Variants in TASP1 observed in about 807,000 individuals in gnomAD.
TASP1 encodes threonine aspartase 1.
A neutral mutation model predicts 56.6 loss-of-function variants in TASP1; 16 were observed. That is an observed-to-expected ratio of 0.28 (90% CI 0.19 to 0.43). TASP1 has a LOEUF of 0.43. Among genes scored for constraint, TASP1 ranks in the 20% least tolerant of loss-of-function variants. The pLI, the probability that TASP1 is intolerant of heterozygous loss-of-function variation, is 1.00. For synonymous variants in TASP1, 179 were observed against 184.2 expected (o/e 0.97, Z 0.23); for missense variants, 393 against 511.6 (o/e 0.77, Z 2.24).
At chr20:13,215,698 A>C in the TASP1 span, among the ~76,000 whole-genome samples, 1 of 152,358 alleles carries the variant, frequency 6.6e-6, no homozygotes, top group Non-Finnish European at 1.5e-5. Flanking sequence ...TGACCTCCTC[A>C]GAAACTCACC....
chr20:13,447,120 A>G (rs1292130755), intron 11 of TASP1, among the ~76,000 whole-genome samples: 1 of 152,162 alleles, frequency 6.6e-6, no homozygotes, highest in Non-Finnish European at 1.5e-5. Context: ...ACTTTCCTCT[A>G]AAAACATTTA....
chr20:13,469,840 G>C (rs1331123259), intron 11 of TASP1, among the ~76,000 whole-genome samples: 2 of 87,100 alleles, frequency 2.3e-5, no homozygotes, highest in African/African-American at 4.6e-5. Flanking sequence ...AGAGTGTCTT[G>C]CTCTGTTGCC....
At chr20:13,246,272 CAAA>C in the TASP1 span, among the ~76,000 whole-genome samples, 2 of 121,068 alleles carry the variant, frequency 1.7e-5, no homozygotes. Flanking sequence ...GACTCCATCT[CAAA>C]AAAAAAAAAA....
intron 4 of TASP1, among the ~76,000 whole-genome samples, chr20:13,612,841 A>G (rs1426151508): frequency 6.6e-6 from 1 of 152,116 alleles, no homozygotes; most frequent in East Asian, 1.9e-4. Flanking sequence ...AAGATAACCA[A>G]CTCAGATATC....
In TASP1 at chr20:13,394,239, TCACTGCACTC is replaced by T. The variant is rs560378578; in HGVS notation, c.1171-3797_1171-3788del. Among the ~76,000 whole-genome samples, 1,083 of 135,252 alleles carry T rather than the reference TCACTGCACTC, an allele frequency of 8.0e-3. 18 individuals are homozygous for T. Among genetic ancestry groups the T allele is most frequent in the African/African-American group, 0.03 (1,013 of 33,586 alleles). 88.7% of individuals were successfully genotyped at this position (135,252 alleles called of 152,430 possible). A position where few individuals can be genotyped will look rare whatever the true frequency, so the allele number is the denominator to read the frequency against. On this transcript the variant is annotated intron_variant, in intron 13 of 13. Transcript: ENST00000337743. ...GCAGAGGTTGCAGTGAGCCAACCTCTCACTGCACTCCACTGCACTCCAGTGCAGTGAGCCA... is the reference window on the plus strand; with the variant it reads ...GCAGAGGTTGCAGTGAGCCAACCTCTCACTGCACTCCAGTGCAGTGAGCCA...
At chr20:13,530,311 T>A (rs1225530299) in intron 9 of TASP1, among the ~76,000 whole-genome samples, 2 of 152,182 alleles carry the variant, frequency 1.3e-5, no homozygotes, top group Non-Finnish European at 2.9e-5. Flanking sequence ...ATGGTAGACA[T>A]TGGGAAATCT....
the TASP1 span, among the ~76,000 whole-genome samples, chr20:13,363,443 G>A: frequency 6.6e-6 from 1 of 152,124 alleles, no homozygotes; most frequent in African/African-American, 2.4e-5. Context: ...CCTGTATATA[G>A]CTGTTCATCT....
the TASP1 span, among the ~76,000 whole-genome samples, chr20:13,307,159 T>G: frequency 6.6e-6 from 1 of 152,206 alleles, no homozygotes; most frequent in Non-Finnish European, 1.5e-5. Flanking sequence ...CTTCACTATG[T>G]CTACACAGCA....
intron 6 of TASP1, among the ~76,000 whole-genome samples, chr20:13,580,507 TGA>T (rs1001666228): frequency 2.0e-5 from 3 of 151,854 alleles, no homozygotes; most frequent in Non-Finnish European, 4.4e-5. Flanking sequence ...GGAAAAAAAC[TGA>T]GATGCATGAA....
At chr20:13,471,389 C>T (rs745654120) in intron 11 of TASP1, among the ~76,000 whole-genome samples, 11 of 152,158 alleles carry the variant, frequency 7.2e-5, no homozygotes, top group Non-Finnish European at 1.6e-4. Flanking sequence ...AAAACCAATG[C>T]CATTCTCTCT....
intron 1 of TASP1, among the ~76,000 whole-genome samples, chr20:13,630,383 T>C (rs1740698422): frequency 6.6e-6 from 1 of 152,160 alleles, no homozygotes; most frequent in African/African-American, 2.4e-5. Context: ...TAAATCTCTC[T>C]GTCCACTGAT....
At chr20:13,264,283 CT>C in the TASP1 span, among the ~76,000 whole-genome samples, 1 of 152,266 alleles carries the variant, frequency 6.6e-6, no homozygotes, top group Admixed American at 6.5e-5. Flanking sequence ...AGAAAAAGTA[CT>C]AAACTTTCCT....
At chr20:13,193,776 G>A in the TASP1 span, among the ~76,000 whole-genome samples, 1 of 152,102 alleles carries the variant, frequency 6.6e-6, no homozygotes, top group East Asian at 1.9e-4. Context: ...TTATCCCAAA[G>A]TGGCCACCAT....
chr20:13,566,158 G>A (rs562797275), intron 7 of TASP1, among the ~76,000 whole-genome samples: 1 of 152,254 alleles, frequency 6.6e-6, no homozygotes, highest in South Asian at 2.1e-4. Context: ...GAACTAGCCA[G>A]GGACTAAATG....
chr20:13,454,417 G>A (rs1272968231), intron 11 of TASP1, among the ~76,000 whole-genome samples: 1 of 152,052 alleles, frequency 6.6e-6, no homozygotes, highest in East Asian at 1.9e-4. Context: ...CCCTGTCCCA[G>A]GGAGGTATCC....
At chr20:13,323,404 A>C in the TASP1 span, among the ~76,000 whole-genome samples, 3 of 152,202 alleles carry the variant, frequency 2.0e-5, no homozygotes, top group Admixed American at 2.0e-4. Flanking sequence ...TGGATGAAAG[A>C]CTATTGAACC....
chr20:13,508,643 A>G (rs2044215730), intron 10 of TASP1, among the ~76,000 whole-genome samples: 1 of 152,196 alleles, frequency 6.6e-6, no homozygotes, highest in African/African-American at 2.4e-5. Context: ...AAAATAAAAT[A>G]AACTAAAATA....
At chr20:13,142,152 T>C in the TASP1 span, among the ~76,000 whole-genome samples, 2 of 152,212 alleles carry the variant, frequency 1.3e-5, no homozygotes, top group African/African-American at 2.4e-5. Flanking sequence ...AATTCTGCAG[T>C]TGATTTGAGT....
the TASP1 span, among the ~76,000 whole-genome samples, chr20:13,294,325 T>C: frequency 6.6e-6 from 1 of 152,184 alleles, no homozygotes; most frequent in Non-Finnish European, 1.5e-5. Flanking sequence ...CACACACATA[T>C]GATCAAATTG....
Sources: gnomAD v4.1 joint callset for allele counts (sites outside exome capture counted in the v4.1 genomes callset) on GRCh38, gnomAD v4.1.1 for gene constraint, MANE v1.5 for transcripts, NCBI Gene and HGNC (gene_info 2026-07-23, HGNC 2026-07-21) for gene names.